PPTC7: variants seen among roughly 807,000 people sequenced by gnomAD.
PPTC7 encodes the protein protein phosphatase targeting COQ7, also known as protein phosphatase PTC7 homolog.
PPTC7 carries 6 observed loss-of-function variants against 30.8 expected under a neutral mutation model. That is an observed-to-expected ratio of 0.19 (90% CI 0.11 to 0.38). The LOEUF (loss-of-function observed/expected upper bound fraction) is 0.38. Ranked by LOEUF, PPTC7 falls within the 10% of genes least tolerant of loss-of-function variation. The pLI is 1.00. For missense variants in PPTC7, 218 were observed against 404.8 expected (o/e 0.54, Z 3.96); for synonymous variants, 163 against 168.1 (o/e 0.97, Z 0.23).
intron 3 of PPTC7, among the ~76,000 whole-genome samples, chr12:110,543,232 C>G (rs1156401941): frequency 6.6e-6 from 1 of 152,202 alleles, no homozygotes; most frequent in East Asian, 1.9e-4. Flanking sequence ...CAGAAAATTT[C>G]TGGTTCATCT....
intron 1 of PPTC7, among the ~76,000 whole-genome samples, chr12:110,573,837 C>T (rs939094712): frequency 1.2e-3 from 190 of 152,012 alleles, no homozygotes; most frequent in African/African-American, 4.4e-3. Flanking sequence ...CAAAATTAGT[C>T]GGGTGTGGTG....
chr12:110,563,940 G>T (rs1039677785), intron 1 of PPTC7, among the ~76,000 whole-genome samples: 1 of 152,172 alleles, frequency 6.6e-6, no homozygotes, highest in Non-Finnish European at 1.5e-5. Flanking sequence ...GAAACTTAAA[G>T]TCATCCTTTT....
intron 1 of PPTC7, among the ~76,000 whole-genome samples, chr12:110,569,899 A>G (rs1174793096): frequency 6.6e-6 from 1 of 152,222 alleles, no homozygotes; most frequent in East Asian, 1.9e-4. Flanking sequence ...AAATGTTGGC[A>G]AAGTTTTTCT....
intron 1 of PPTC7, among the ~76,000 whole-genome samples, chr12:110,560,878 A>G (rs902296623): frequency 1.3e-5 from 2 of 152,236 alleles, no homozygotes; most frequent in African/African-American, 2.4e-5. Flanking sequence ...ATTCCAAAGA[A>G]GCATACTGGC....
chr12:110,558,942 A>C (rs2064412906), intron 1 of PPTC7, among the ~76,000 whole-genome samples: 1 of 152,164 alleles, frequency 6.6e-6, no homozygotes, highest in South Asian at 2.1e-4. Flanking sequence ...CAGTTTTATG[A>C]AGCAAAACGA....
rs545602486 is a variant in PPTC7, at chr12:110,583,165, G to A, written c.-134C>T. On this transcript the variant is annotated 5_prime_UTR_variant, in exon 1 of 6. Coordinates refer to ENST00000354300, the MANE Select transcript of PPTC7 (RefSeq NM_139283.2). Reference sequence around the variant, plus strand: ...CTCAGGGCGGCGCGCAGTGGCCGCCGCCGCCCCTGCCCGACGCGCGGGGCC... The same window carrying A: ...CTCAGGGCGGCGCGCAGTGGCCGCCACCGCCCCTGCCCGACGCGCGGGGCC... 1.8e-3 allele frequency: 841 copies of A among 468,778 alleles called. 9 individuals are homozygous for A. Among genetic ancestry groups the A allele is most frequent in the African/African-American group, 0.016 (788 of 48,060 alleles). 29.0% of individuals were successfully genotyped at this position (468,778 alleles called of 1,614,324 possible).
intron 1 of PPTC7, among the ~76,000 whole-genome samples, chr12:110,570,729 T>C (rs1593164152): frequency 7.1e-6 from 1 of 140,184 alleles, no homozygotes; most frequent in Admixed American, 7.4e-5. Flanking sequence ...TTGTCTATGA[T>C]GCCAAGACCT....
intron 1 of PPTC7, among the ~76,000 whole-genome samples, chr12:110,554,263 T>C (rs2064370030): frequency 6.6e-6 from 1 of 152,208 alleles, no homozygotes; most frequent in African/African-American, 2.4e-5. Context: ...AGTCTTGAAC[T>C]CCCAGGCTTA....
In PPTC7 at chr12:110,573,454, A is replaced by C. The variant is rs144274876; in HGVS notation, c.223+9355T>G. ...ATGCTTCTGGAGTCACACACTATTA[A>C]AAACTCCATTTGCACACTGTTGCAA... On this transcript the variant is annotated intron_variant, in intron 1 of 5. Transcript: ENST00000354300. 6.8e-3 allele frequency among the ~76,000 whole-genome samples: 1,043 copies of C among 152,306 alleles called. 1 individual carries two copies. Among genetic ancestry groups the C allele is most frequent in the Non-Finnish European group, 9.4e-3 (637 of 68,026 alleles).
chr12:110,565,231 C>CT (rs1231763957), intron 1 of PPTC7, among the ~76,000 whole-genome samples: 3 of 150,964 alleles, frequency 2.0e-5, no homozygotes, highest in East Asian at 1.9e-4. Flanking sequence ...ACAATGAGTA[C>CT]TTTTTTTTTC....
chr12:110,580,785 A>G (rs1164215291), intron 1 of PPTC7, among the ~76,000 whole-genome samples: 1 of 148,618 alleles, frequency 6.7e-6, no homozygotes, highest in Admixed American at 6.7e-5. Flanking sequence ...GGAGTCTCGC[A>G]CTGTCGCCCA....
chr12:110,552,138 T>A (rs998012257), intron 1 of PPTC7, among the ~76,000 whole-genome samples, 170 bp from the exon 2 acceptor site: 11 of 152,238 alleles, frequency 7.2e-5, no homozygotes, highest in Non-Finnish European at 1.3e-4. Context: ...CTAACACTCC[T>A]AAGCCACATT....
At chr12:110,545,828 C>T in intron 3 of PPTC7, 52 bp downstream of exon 3, 2 of 1,550,920 alleles carry the variant, frequency 1.3e-6, no homozygotes, top group Non-Finnish European at 1.8e-6. Flanking sequence ...CAGGAGGGGA[C>T]TATGAATGAG....
At chr12:110,552,732 C>G (rs1315452871) in intron 1 of PPTC7, among the ~76,000 whole-genome samples, 2 of 152,056 alleles carry the variant, frequency 1.3e-5, no homozygotes, top group Admixed American at 6.5e-5. Flanking sequence ...GGCGTGGTGG[C>G]AGGCGCCTGT....
rs924709759 is a variant in PPTC7, at chr12:110,536,752, G to A, written c.*285C>T. 2.6e-6 allele frequency: 1 copy of A among 381,568 alleles called. No homozygotes were observed. Among genetic ancestry groups the A allele is most frequent in the African/African-American group, 2.1e-5 (1 of 48,484 alleles). 23.6% of individuals were successfully genotyped at this position (381,568 alleles called of 1,614,324 possible). A position where few individuals can be genotyped will look rare whatever the true frequency, so the allele number is the denominator to read the frequency against. On this transcript the variant is annotated 3_prime_UTR_variant, in exon 6 of 6. Coordinates refer to ENST00000354300, the MANE Select transcript of PPTC7 (RefSeq NM_139283.2). ...AACTACTTTGAAAAGTAACAGCCAC[G>A]GTGGCACTGAACACCTCCATCCCCA...
intron 1 of PPTC7, among the ~76,000 whole-genome samples, chr12:110,561,790 T>G (rs2064439588): frequency 1.3e-5 from 2 of 151,934 alleles, no homozygotes; most frequent in South Asian, 4.2e-4. Context: ...AACCTCCGTC[T>G]CTACTAAAAA....
intron 3 of PPTC7, among the ~76,000 whole-genome samples, chr12:110,541,392 GAAA>G (rs2064258108): frequency 6.6e-6 from 1 of 150,504 alleles, no homozygotes. Context: ...CCATCTCAAA[GAAA>G]AAGAAAAAGG....
chr12:110,565,443 A>T (rs1489144628), intron 1 of PPTC7, among the ~76,000 whole-genome samples: 1 of 151,898 alleles, frequency 6.6e-6, no homozygotes, highest in Admixed American at 6.6e-5. Context: ...TTTAGTAGAG[A>T]CGGGGTTTCA....
chr12:110,564,344 G>A (rs1006060068), intron 1 of PPTC7, among the ~76,000 whole-genome samples: 1 of 152,202 alleles, frequency 6.6e-6, no homozygotes, highest in Non-Finnish European at 1.5e-5. Context: ...GTTAGAAAAT[G>A]TCACATAATA....
Sources: allele counts gnomAD v4.1 joint callset (sites outside exome capture counted in the v4.1 genomes callset), GRCh38; gene constraint gnomAD v4.1.1; transcripts MANE v1.5; gene names NCBI Gene and HGNC (gene_info 2026-07-23, HGNC 2026-07-21).